The following CCDC150 variants were observed in gnomAD, a reference collection of about 807,000 sequenced individuals.
The protein encoded by CCDC150 is coiled-coil domain containing 150.
CCDC150 carries 151 observed loss-of-function variants against 156.5 expected under a neutral mutation model. The observed-to-expected ratio is 0.97, with a 90% CI of 0.85 to 1.10. The LOEUF is 1.10. Ranked by LOEUF, CCDC150 falls within the 50% of genes least tolerant of loss-of-function variation. The pLI is 0.00. For synonymous variants in CCDC150, 452 were observed against 429.4 expected, an observed-to-expected ratio of 1.05 and a Z score of -0.65; for missense variants, 1,312 against 1,268.1, an observed-to-expected ratio of 1.03 and a Z score of -0.53.
At position 196,697,372 on chromosome 2, in the gene CCDC150, C is replaced by T. The variant is rs563315412; in HGVS notation, c.1623+2213C>T. 2.4e-4 allele frequency among the ~76,000 whole-genome samples: 37 copies of T among 152,074 alleles called. 1 individual carries two copies. Among genetic ancestry groups the T allele is most frequent in the African/African-American group, 5.3e-4 (22 of 41,480 alleles). On this transcript the variant is annotated intron_variant, in intron 14 of 27. Coordinates refer to ENST00000389175, the MANE Select transcript of CCDC150 (RefSeq NM_001080539.2). ...TGCAATTTAATTCCATTACCACTGG[C>T]AGTCACGCAGGGAACCACAGTGAGA...
In CCDC150 at chr2:196,730,883, C is replaced by G; in HGVS notation, c.3007C>G (p.Leu1003Val). The change falls in exon 26 of 28, where the codon CTG becomes GTG. Residue 1003 changes from leucine to valine, a missense_variant. Coordinates refer to ENST00000389175, the MANE Select transcript of CCDC150 (RefSeq NM_001080539.2). The part of the protein sequence containing the change: ...CQELEETVRH[L>V]KKCKEATENT... ...GGAATTGGAAGAAACTGTCAGACAC[C>G]TGAAGAAATGTAAAGAGGCAACAGA... 1 of 1,599,048 alleles carries G rather than the reference C, an allele frequency of 6.3e-7. No homozygotes were observed. Among genetic ancestry groups the G allele is most frequent in the African/African-American group, 1.3e-5 (1 of 74,708 alleles).
intron 8 of CCDC150, among the ~76,000 whole-genome samples, chr2:196,671,938 A>G (rs893942792): frequency 3.9e-5 from 6 of 152,162 alleles, no homozygotes; most frequent in Non-Finnish European, 8.8e-5. Flanking sequence ...ACTGGATCAT[A>G]TGGTAAGAAT....
At position 196,656,963 on chromosome 2, in the gene CCDC150, C is replaced by T. The variant is rs746311530; in HGVS notation, c.403C>T (p.Leu135=). Reference sequence around the variant, plus strand: ...CCTCCTGTGCGGTCTGGTAGCTTTTCTGAAAGATCGACTGAATGCAATACA... The same window carrying T: ...CCTCCTGTGCGGTCTGGTAGCTTTTTTGAAAGATCGACTGAATGCAATACA... ...KDLNPQKTAF[L]KDRLNAIQEE... Residue 135 remains leucine, a synonymous_variant, in exon 4 of 28, where the codon CTG becomes TTG. Coordinates refer to ENST00000389175, the MANE Select transcript of CCDC150 (RefSeq NM_001080539.2). 6.2e-7 allele frequency: 1 copy of T among 1,613,268 alleles called. No individual in the cohort carries two copies. The highest frequency in any genetic ancestry group is 8.5e-7 in the Non-Finnish European group (1 of 1,179,560).
At chr2:196,729,517 C>G in intron 23 of CCDC150, 130 bp downstream of exon 23, 1 of 891,224 alleles carries the variant, frequency 1.1e-6, no homozygotes. Context: ...AGCCAGTTGT[C>G]TTTGGGGAGA....
chr2:196,689,814 G>A (rs1695339814), intron 13 of CCDC150, among the ~76,000 whole-genome samples: 1 of 152,152 alleles, frequency 6.6e-6, no homozygotes, highest in Non-Finnish European at 1.5e-5. Flanking sequence ...GGGCATCCCT[G>A]TCTTGTGCCA....
At chr2:196,677,994 A>AG (rs1009641774) in intron 13 of CCDC150, among the ~76,000 whole-genome samples, 1 of 152,154 alleles carries the variant, frequency 6.6e-6, no homozygotes, top group African/African-American at 2.4e-5. Flanking sequence ...CCTGTCAAAA[A>AG]GAAAAAAAAA....
Position 196,665,448 on chromosome 2 carries a change from A to C in CCDC150, c.646-119A>C, listed in dbSNP as rs922288758. 8.1e-6 allele frequency: 4 copies of C among 493,662 alleles called. No homozygotes were observed. In the East Asian group the frequency reaches 1.4e-4, roughly 18 times the overall value. The allele number at this position is 493,662 out of a possible 1,614,324, so 30.6% of individuals were successfully genotyped here. A position where few individuals can be genotyped will look rare whatever the true frequency, so the allele number is the denominator to read the frequency against. ...AAAAGCTTGTTTCTGAGTAGTCATA[A>C]ATGAATTAAGACTGTTTGGGGGTGA... On this transcript the variant is annotated intron_variant, in intron 5 of 27. Coordinates refer to ENST00000389175, the MANE Select transcript of CCDC150 (RefSeq NM_001080539.2).
At position 196,723,765 on chromosome 2, in the gene CCDC150, A is replaced by G. The variant is rs941189539; in HGVS notation, c.2429+2074A>G. Among the ~76,000 whole-genome samples the G allele has an allele frequency of 1.3e-5, 2 of 152,218 alleles. 1 individual carries two copies. The highest frequency in any genetic ancestry group is 2.9e-5 in the Non-Finnish European group (2 of 68,038). ...CAGAGAGGAAGCCACTGGGTTTTGC[A>G]ACAGGTATCTACCAATCATCCTCCA... On this transcript the variant is annotated intron_variant, in intron 21 of 27. Transcript: ENST00000389175.
At chr2:196,707,807 A>G (rs1389860928) in intron 15 of CCDC150, among the ~76,000 whole-genome samples, 3 of 152,158 alleles carry the variant, frequency 2.0e-5, no homozygotes, top group Non-Finnish European at 2.9e-5. Context: ...TTCAGTTTCC[A>G]TGTAGTTGTG....
chr2:196,721,599 C>T lies in CCDC150; in HGVS notation c.2337C>T (p.Leu779=). 6.2e-7 allele frequency: 1 copy of T among 1,607,966 alleles called. No homozygotes were observed. Among genetic ancestry groups the T allele is most frequent in the Non-Finnish European group, 8.5e-7 (1 of 1,177,396 alleles). The change falls in exon 21 of 28, where the codon CTC becomes CTT. Residue 779 remains leucine (L), a synonymous_variant. Transcript: ENST00000389175. ...RKLAMSLEQA[L]QTNNHLQTKL... The stretch of plus-strand genomic sequence containing the variant: ...TTGCTATGAGTCTGGAACAAGCTCT[C>T]CAGACAAATAATCATCTGCAAACAA...
intron 18 of CCDC150, among the ~76,000 whole-genome samples, chr2:196,718,975 T>A (rs1317878655): frequency 1.3e-5 from 2 of 152,230 alleles, no homozygotes; most frequent in African/African-American, 2.4e-5. Flanking sequence ...TGCTTTCTCC[T>A]TAACAGTGTG....
intron 18 of CCDC150, chr2:196,719,159 T>C (rs949890365): frequency 5.4e-6 from 1 of 183,542 alleles, no homozygotes; most frequent in African/African-American, 2.4e-5. Context: ...ATTATTCTCA[T>C]CTGACCCCGT....
rs1199027847 is a variant in CCDC150, at chr2:196,676,617, A to T, written c.1326A>T (p.Thr442=). The T allele has an allele frequency of 6.2e-7, 1 of 1,613,792 alleles. No individual in the cohort carries two copies. The highest frequency in any genetic ancestry group is 8.5e-7 in the Non-Finnish European group (1 of 1,179,712). ...AAGCACAGGATGCTGAAAAGAGAAC[A>T]GCTGTGCAAAAAGAGCTGCTAGAAT... The part of the protein sequence containing the change: ...IQKAQDAEKR[T]AVQKELLEST... The change falls in exon 12 of 28, where the codon ACA becomes ACT. Residue 442 remains threonine, a synonymous_variant. Transcript: ENST00000389175.
chr2:196,687,842 T>G (rs1033575338), intron 13 of CCDC150, among the ~76,000 whole-genome samples: 1 of 152,148 alleles, frequency 6.6e-6, no homozygotes, highest in Non-Finnish European at 1.5e-5. Context: ...CCAGTCCCAT[T>G]TATTTAACAG....
At chr2:196,641,698 A>G (rs909899989) in intron 1 of CCDC150, among the ~76,000 whole-genome samples, 2 of 149,274 alleles carry the variant, frequency 1.3e-5, no homozygotes, top group African/African-American at 5.0e-5. Flanking sequence ...CTCATTGCCT[A>G]TAACAGTGTG....
intron 14 of CCDC150, among the ~76,000 whole-genome samples, chr2:196,699,605 G>C (rs1289484666): frequency 6.6e-5 from 10 of 151,308 alleles, no homozygotes; most frequent in Admixed American, 5.9e-4. Flanking sequence ...GTGTAGCCTC[G>C]ACCAGCTGGT....
At chr2:196,658,296 A>G (rs1195633308) in intron 4 of CCDC150, among the ~76,000 whole-genome samples, 1 of 152,186 alleles carries the variant, frequency 6.6e-6, no homozygotes, top group African/African-American at 2.4e-5. Flanking sequence ...GGAGGGACTA[A>G]AGGCAGTAAA....
Position 196,729,500 on chromosome 2 carries a change from G to A in CCDC150, c.2751+113G>A, listed in dbSNP as rs1328540997. The A allele has an allele frequency of 5.0e-6, 5 of 1,001,406 alleles. No homozygotes were observed. The African/African-American group carries it at 8.1e-5, about 16-fold the overall frequency. 62.0% of individuals were successfully genotyped at this position (1,001,406 alleles called of 1,614,324 possible). On this transcript the variant is annotated intron_variant, in intron 23 of 27. Coordinates refer to ENST00000389175, the MANE Select transcript of CCDC150 (RefSeq NM_001080539.2). ...CCTAGCAGCCCCATGTATTCTCTGG[G>A]AATTATAGCCAGTTGTCTTTGGGGA...
At chr2:196,672,532 A>G (rs1694265065) in intron 9 of CCDC150, 95 bp downstream of exon 9, 1 of 576,126 alleles carries the variant, frequency 1.7e-6, no homozygotes. Context: ...ATATAAATTC[A>G]TACCATCTCC....
Sources: gnomAD v4.1 joint callset for allele counts (sites outside exome capture counted in the v4.1 genomes callset) on GRCh38, gnomAD v4.1.1 for gene constraint, MANE v1.5 for transcripts, NCBI Gene and HGNC (gene_info 2026-07-23, HGNC 2026-07-21) for gene names.